The following BMF variants were observed in gnomAD, a reference collection of about 807,000 sequenced individuals.
BMF encodes the protein Bcl2 modifying factor.
In BMF, 10 loss-of-function variants were observed where a neutral mutation model predicts 22.0. The observed-to-expected ratio is 0.45, with a 90% confidence interval of 0.28 to 0.77. BMF has a LOEUF of 0.77. Ranked by LOEUF, BMF falls within the 30% of genes least tolerant of loss-of-function variation. The pLI is 0.13. For synonymous variants in BMF, 87 were observed against 88.1 expected (o/e 0.99, Z 0.07); for missense variants, 206 against 226.8 (o/e 0.91, Z 0.59).
In BMF at chr15:40,105,818, T is replaced by G; in HGVS notation, c.269A>C (p.Glu90Ala). The change falls in exon 3 of 5, where the codon GAG becomes GCG. Residue 90 changes from glutamate to alanine, a missense_variant. Glu to Ala is a moderately radical substitution (Grantham distance 107). Transcript: ENST00000354670. ...QGVMLPCGVTEEPQRLFYGNA... is the reference protein window; with the variant it reads ...QGVMLPCGVTAEPQRLFYGNA... ...ACCATAAAAGAGTCGCTGGGGTTCC[T>G]CAGTCACCCCACAAGGCAGCATGAC... is the stretch of plus-strand genomic sequence containing the variant. 1 of 1,611,116 alleles carries G rather than the reference T, an allele frequency of 6.2e-7. No homozygotes were observed. Among genetic ancestry groups the G allele is most frequent in the East Asian group, 2.2e-5 (1 of 44,774 alleles).
chr15:40,092,029 G>C (rs1170763132), intron 4 of BMF, 141 bp from the exon 5 acceptor site: 3 of 647,068 alleles, frequency 4.6e-6, no homozygotes, highest in Non-Finnish European at 8.2e-6. Flanking sequence ...ACAGCGGGGA[G>C]GAGGGGGAGG....
In BMF at chr15:40,090,431, T is replaced by C. The variant is rs2036209977; in HGVS notation, c.*1356A>G. 1 of 152,646 alleles carries C rather than the reference T, an allele frequency of 6.6e-6. No individual in the cohort carries two copies. The highest frequency in any genetic ancestry group is 1.5e-5 in the Non-Finnish European group (1 of 68,040). The allele number at this position is 152,646 out of a possible 1,614,324, so 9.5% of individuals were successfully genotyped here. On this transcript the variant is annotated 3_prime_UTR_variant, in exon 5 of 5. Transcript: ENST00000354670. ...TTGTCTTTTCTCACATATGCAAAAG[T>C]TATAATTTAGTTTCTAGCGTCTGGT... is the stretch of plus-strand genomic sequence containing the variant.
intron 4 of BMF, among the ~76,000 whole-genome samples, chr15:40,103,490 G>A (rs979997220): frequency 3.9e-5 from 6 of 152,226 alleles, no homozygotes; most frequent in East Asian, 1.9e-4. Flanking sequence ...CCTGCCAGCC[G>A]CCGCCTTTGT....
intron 4 of BMF, among the ~76,000 whole-genome samples, chr15:40,092,502 C>G (rs1362366433): frequency 6.6e-6 from 1 of 152,214 alleles, no homozygotes; most frequent in Non-Finnish European, 1.5e-5. Flanking sequence ...CGCTCTCCCT[C>G]CCCAGCATCT....
At chr15:40,096,080 AG>A (rs1363665644) in intron 4 of BMF, among the ~76,000 whole-genome samples, 3 of 151,986 alleles carry the variant, frequency 2.0e-5, no homozygotes, top group Non-Finnish European at 2.9e-5. Context: ...ATGTCTGGCC[AG>A]GTCTAAAGAT....
rs1567029097 is a variant in BMF, at chr15:40,090,016, A to G, written c.*1771T>C. ...TGAGCAGAACAAAACAAAGGCTTAC[A>G]TGCACAGTTTGAGGCCCTTCTCCTC... On this transcript the variant is annotated 3_prime_UTR_variant, in exon 5 of 5. Transcript: ENST00000354670. 1 of 152,666 alleles carries G rather than the reference A, an allele frequency of 6.6e-6. No homozygotes were observed. 9.5% of individuals were successfully genotyped at this position (152,666 alleles called of 1,614,324 possible). A position where few individuals can be genotyped will look rare whatever the true frequency, so the allele number is the denominator to read the frequency against.
rs923930591 is a variant in BMF, at chr15:40,089,460, C to T, written c.*2327G>A. On this transcript the variant is annotated 3_prime_UTR_variant, in exon 5 of 5. Coordinates refer to ENST00000354670, the MANE Select transcript of BMF (RefSeq NM_001003940.2). ...CTCACTTAAGACAGTGAGTGAGTTCCTGGCTTTGCATAAGATGGAGACAGT... is the reference window on the plus strand; with the variant it reads ...CTCACTTAAGACAGTGAGTGAGTTCTTGGCTTTGCATAAGATGGAGACAGT... 6.6e-6 allele frequency: 1 copy of T among 152,218 alleles called. No homozygotes were observed. Among genetic ancestry groups the T allele is most frequent in the Non-Finnish European group, 1.5e-5 (1 of 68,044 alleles). 9.4% of individuals were successfully genotyped at this position (152,218 alleles called of 1,614,324 possible).
intron 2 of BMF, chr15:40,107,900 C>G (rs1461508124): frequency 6.6e-6 from 1 of 152,304 alleles, no homozygotes; most frequent in African/African-American, 2.4e-5. Context: ...GCCCCAGGGA[C>G]CCCTCTCACG....
At chr15:40,101,984 T>G (rs1474490798) in intron 4 of BMF, among the ~76,000 whole-genome samples, 1 of 151,906 alleles carries the variant, frequency 6.6e-6, no homozygotes, top group Non-Finnish European at 1.5e-5. Flanking sequence ...TGGAGTAAGG[T>G]GCAAGGCAGA....
intron 3 of BMF, 38 bp from the exon 4 acceptor site, chr15:40,104,378 CA>C: frequency 6.2e-7 from 1 of 1,608,466 alleles, no homozygotes. Flanking sequence ...GCATTCTCCA[CA>C]ACTGCTCCAA....
rs1049970287 is a variant in BMF at position 40,103,574 on chromosome 15, AAGCGCCCGGCTG to A, written c.453+594_453+605del. Among the ~76,000 whole-genome samples the A allele has an allele frequency of 2.1e-4, 32 of 152,308 alleles. No homozygotes were observed. The South Asian group carries it at 2.5e-3, about 12-fold the overall frequency. On this transcript the variant is annotated intron_variant, in intron 4 of 4. Coordinates refer to ENST00000354670, the MANE Select transcript of BMF (RefSeq NM_001003940.2). ...CGGGGCTGGTGCCAGGCTGCCGGCC[AAGCGCCCGGCTG>A]AGCGCCCGGCTGGCCGCCGGTCTGG... is the stretch of plus-strand genomic sequence containing the variant.
rs1409069321 is a variant in BMF at position 40,091,586 on chromosome 15, C to T, written c.*201G>A. 1.9e-6 allele frequency: 1 copy of T among 536,212 alleles called. No individual in the cohort carries two copies. The highest frequency in any genetic ancestry group is 1.9e-5 in the African/African-American group (1 of 52,984). 33.2% of individuals were successfully genotyped at this position (536,212 alleles called of 1,614,324 possible). A position where few individuals can be genotyped will look rare whatever the true frequency, so the allele number is the denominator to read the frequency against. ...TTCAACAGTGTTTGACAAAGGCCCC[C>T]ATTCCAGGTCAAGGGCCTGACAGAG... On this transcript the variant is annotated 3_prime_UTR_variant, in exon 5 of 5. Transcript: ENST00000354670.
chr15:40,099,869 A>T (rs538177420), intron 4 of BMF, among the ~76,000 whole-genome samples: 1 of 152,110 alleles, frequency 6.6e-6, no homozygotes, highest in East Asian at 1.9e-4. Context: ...TGGGATTTTA[A>T]CAGATCTGCC....
At chr15:40,107,797 C>T (rs2036619225) in intron 2 of BMF, among the ~76,000 whole-genome samples, 1 of 152,106 alleles carries the variant, frequency 6.6e-6, no homozygotes, top group South Asian at 2.1e-4. Flanking sequence ...AAGCCTATCA[C>T]CTTCCCCTCC....
chr15:40,102,299 C>G (rs1404634633), intron 4 of BMF, among the ~76,000 whole-genome samples: 1 of 151,292 alleles, frequency 6.6e-6, no homozygotes, highest in East Asian at 1.9e-4. Flanking sequence ...TGTGGTGGTG[C>G]GTGCCTATAA....
intron 4 of BMF, among the ~76,000 whole-genome samples, chr15:40,095,735 T>C (rs2036345286): frequency 6.6e-6 from 1 of 152,074 alleles, no homozygotes; most frequent in African/African-American, 2.4e-5. Flanking sequence ...ATGGAGGGAA[T>C]GAATAGAGGT....
chr15:40,094,278 T>C (rs140104017), intron 4 of BMF, among the ~76,000 whole-genome samples: 169 of 152,212 alleles, frequency 1.1e-3, no homozygotes, highest in Middle Eastern at 3.4e-3. Flanking sequence ...TCTGGGAGCG[T>C]TGGGGGACTC....
intron 4 of BMF, among the ~76,000 whole-genome samples, chr15:40,100,643 G>C (rs1803229492): frequency 1.3e-5 from 2 of 152,212 alleles, no homozygotes; most frequent in Non-Finnish European, 2.9e-5. Context: ...GAGTCACCCT[G>C]AACTGGTAAC....
intron 4 of BMF, among the ~76,000 whole-genome samples, chr15:40,099,992 T>G (rs2036442932): frequency 6.6e-6 from 1 of 152,164 alleles, no homozygotes; most frequent in African/African-American, 2.4e-5. Context: ...TTCAGAGATT[T>G]CCAAACCCGG....
Sources: allele counts gnomAD v4.1 joint callset (sites outside exome capture counted in the v4.1 genomes callset), GRCh38; gene constraint gnomAD v4.1.1; transcripts MANE v1.5; gene names NCBI Gene and HGNC (gene_info 2026-07-23, HGNC 2026-07-21).